Variants in WDR7 observed in about 807,000 individuals in gnomAD.
WDR7 encodes the protein WD repeat-containing protein 7.
In WDR7, 46 loss-of-function variants were observed where a neutral mutation model predicts 169.4. The observed-to-expected ratio is 0.27, with a 90% confidence interval of 0.21 to 0.35. The LOEUF is 0.35. Ranked by LOEUF, WDR7 falls within the 10% of genes least tolerant of loss-of-function variation. The pLI, the probability that WDR7 is intolerant of heterozygous loss-of-function variation, is 1.00. For missense variants in WDR7, 1,534 were observed against 1,859.3 expected (o/e 0.83, Z 3.22); for synonymous variants, 612 against 666.8 (o/e 0.92, Z 1.27).
intron 23 of WDR7, among the ~76,000 whole-genome samples, chr18:56,936,455 A>G (rs1056915298): frequency 4.6e-5 from 7 of 152,230 alleles, no homozygotes; most frequent in African/African-American, 1.7e-4. Flanking sequence ...GAACTTTCCT[A>G]TAGGTCTTAG....
At chr18:56,932,874 GGTGT>G (rs34838445) in intron 22 of WDR7, among the ~76,000 whole-genome samples, 6,063 of 131,780 alleles carry the variant, frequency 0.046, 140 homozygotes, top group Non-Finnish European at 0.056. Context: ...CTTCATTCTG[GGTGT>G]GTGTGTGTGT....
intron 22 of WDR7, among the ~76,000 whole-genome samples, chr18:56,933,180 T>C (rs1348526964): frequency 6.6e-6 from 1 of 152,148 alleles, no homozygotes; most frequent in Non-Finnish European, 1.5e-5. Context: ...GGCAGACAGG[T>C]GCCCAGAGCC....
intron 20 of WDR7, among the ~76,000 whole-genome samples, chr18:56,843,269 G>GTTAA (rs2045514645): frequency 6.6e-6 from 1 of 152,158 alleles, no homozygotes; most frequent in African/African-American, 2.4e-5. Flanking sequence ...AATCAGCGGT[G>GTTAA]TTAAGTATGT....
intron 20 of WDR7, among the ~76,000 whole-genome samples, chr18:56,849,311 C>G (rs1385552332): frequency 6.6e-6 from 1 of 152,174 alleles, no homozygotes; most frequent in Non-Finnish European, 1.5e-5. Flanking sequence ...TAAACAGAAG[C>G]TTTCCTTTAC....
At chr18:56,967,482 A>G (rs1438888896) in intron 26 of WDR7, among the ~76,000 whole-genome samples, 1 of 152,064 alleles carries the variant, frequency 6.6e-6, no homozygotes, top group Non-Finnish European at 1.5e-5. Context: ...AAGCAGATGA[A>G]TTAGGGTCCC....
intron 25 of WDR7, among the ~76,000 whole-genome samples, chr18:56,948,924 A>G (rs1242898413): frequency 6.6e-6 from 1 of 151,402 alleles, no homozygotes; most frequent in African/African-American, 2.4e-5. Flanking sequence ...CCTTCATCTC[A>G]TTTTCTCTCT....
intron 21 of WDR7, among the ~76,000 whole-genome samples, chr18:56,893,292 G>GAA (rs2046289119): frequency 6.6e-6 from 1 of 151,406 alleles, no homozygotes; most frequent in East Asian, 1.9e-4. Context: ...CTTCATATTT[G>GAA]TATGTCTTAA....
intron 8 of WDR7, 27 bp from the exon 9 acceptor site, chr18:56,691,688 T>C (rs776487036): frequency 6.3e-7 from 1 of 1,577,162 alleles, no homozygotes; most frequent in Non-Finnish European, 8.6e-7. Context: ...GTATTTTAAT[T>C]GAATATTGTA....
chr18:56,904,995 T>C (rs1455468030), intron 21 of WDR7, among the ~76,000 whole-genome samples: 2 of 152,124 alleles, frequency 1.3e-5, no homozygotes. Flanking sequence ...GTCTCACAGA[T>C]TGAAAGGTAA....
At chr18:57,015,946 C>G (rs1462539590) in intron 26 of WDR7, among the ~76,000 whole-genome samples, 1 of 152,228 alleles carries the variant, frequency 6.6e-6, no homozygotes, top group East Asian at 1.9e-4. Context: ...CAGGCTCACC[C>G]TAAAGTCAGG....
intron 16 of WDR7, among the ~76,000 whole-genome samples, chr18:56,763,908 C>G (rs1178559416): frequency 6.6e-6 from 1 of 152,030 alleles, no homozygotes; most frequent in Non-Finnish European, 1.5e-5. Flanking sequence ...TATATTCACT[C>G]TTTCATTTCT....
intron 26 of WDR7, among the ~76,000 whole-genome samples, chr18:57,007,088 T>C (rs2048071100): frequency 6.6e-6 from 1 of 151,522 alleles, no homozygotes; most frequent in African/African-American, 2.4e-5. Context: ...CACGCCATTC[T>C]CCTGCCTCAG....
chr18:56,914,270 C>T (rs1331552302), intron 21 of WDR7, among the ~76,000 whole-genome samples: 2 of 152,178 alleles, frequency 1.3e-5, no homozygotes, highest in Non-Finnish European at 2.9e-5. Context: ...TCTGCAGAGT[C>T]CTTCCCTGTC....
intron 6 of WDR7, among the ~76,000 whole-genome samples, chr18:56,686,271 G>A (rs985627054): frequency 4.6e-5 from 7 of 151,922 alleles, no homozygotes; most frequent in East Asian, 1.9e-4. Flanking sequence ...AACATATTGC[G>A]CAGGATATGT....
At position 56,717,956 on chromosome 18, in the gene WDR7, C is replaced by G; in HGVS notation, c.1579-8C>G. On this transcript the variant is annotated splice_polypyrimidine_tract_variant and splice_region_variant and intron_variant, in intron 12 of 27. Coordinates refer to ENST00000254442, the MANE Select transcript of WDR7 (RefSeq NM_015285.3). ...TTAAACACAATTAAGGTTTATTCTT[C>G]TTTTCAGGCAAGAGTACAGCACTGC... The G allele has an allele frequency of 1.9e-6, 3 of 1,570,234 alleles. No individual in the cohort carries two copies. Among genetic ancestry groups the G allele is most frequent in the Non-Finnish European group, 2.6e-6 (3 of 1,160,186 alleles).
chr18:56,682,094 G>C (rs1267154544), intron 4 of WDR7, among the ~76,000 whole-genome samples: 1 of 152,126 alleles, frequency 6.6e-6, no homozygotes, highest in Non-Finnish European at 1.5e-5. Flanking sequence ...ATACAGTGTA[G>C]GCATTTCTTG....
At chr18:56,928,400 G>A (rs1599165543) in intron 22 of WDR7, among the ~76,000 whole-genome samples, 1 of 152,204 alleles carries the variant, frequency 6.6e-6, no homozygotes, top group African/African-American at 2.4e-5. Context: ...GGGAGGCCAA[G>A]GCTGCACTAA....
At chr18:56,925,283 T>C (rs1031368623) in intron 22 of WDR7, among the ~76,000 whole-genome samples, 9 of 152,204 alleles carry the variant, frequency 5.9e-5, no homozygotes, top group African/African-American at 2.2e-4. Flanking sequence ...TGAGTAGACA[T>C]GTAGGAGTAG....
At chr18:56,683,496 G>A (rs906250355) in intron 5 of WDR7, among the ~76,000 whole-genome samples, 7 of 152,108 alleles carry the variant, frequency 4.6e-5, no homozygotes, top group Admixed American at 3.3e-4. Context: ...TCATAGTTAT[G>A]TGCTTCCTAT....
Sources: gnomAD v4.1 joint callset for allele counts (sites outside exome capture counted in the v4.1 genomes callset) on GRCh38, gnomAD v4.1.1 for gene constraint, MANE v1.5 for transcripts, NCBI Gene and HGNC (gene_info 2026-07-23, HGNC 2026-07-21) for gene names.